Variants in COX16 observed in about 807,000 individuals in gnomAD.
COX16 encodes cytochrome c oxidase assembly protein COX16 homolog, mitochondrial.
In COX16, 12 loss-of-function variants were observed where a neutral mutation model predicts 15.4. That is an observed-to-expected ratio of 0.78 (90% CI 0.50 to 1.26). The LOEUF (loss-of-function observed/expected upper bound fraction) is 1.26, where lower values mean the gene tolerates loss of function less well. Ranked by LOEUF, COX16 falls within the 50% of genes most tolerant of loss-of-function variation. The pLI is 0.00. For synonymous variants in COX16, 46 were observed against 41.1 expected, an observed-to-expected ratio of 1.12 and a Z score of -0.46; for missense variants, 124 against 127.6, an observed-to-expected ratio of 0.97 and a Z score of 0.14.
In COX16 at chr14:70,354,147, T is replaced by TA. The variant is rs569291705; in HGVS notation, c.69+5371dup. Reference sequence around the variant, plus strand: ...GGCAACACAGCAAGACCTCCTCTCTTAAAAAAACAACAATAATAATAATAA... The same window carrying TA: ...GGCAACACAGCAAGACCTCCTCTCTTAAAAAAAACAACAATAATAATAATAA... On this transcript the variant is annotated intron_variant, in intron 1 of 3. Coordinates refer to ENST00000389912, the MANE Select transcript of COX16 (RefSeq NM_016468.7). Among the ~76,000 whole-genome samples, 31 of 151,744 alleles carry TA rather than the reference T, an allele frequency of 2.0e-4. No homozygotes were observed. In the East Asian group the frequency reaches 6.0e-3, roughly 29 times the overall value.
rs535701611 is a variant in COX16, at chr14:70,344,482, T to C, written c.70-1753A>G. Among the ~76,000 whole-genome samples the C allele has an allele frequency of 1.6e-4, 24 of 152,378 alleles. No individual in the cohort carries two copies. The East Asian group carries it at 4.4e-3, about 28-fold the overall frequency. ...TTCATTGTCATAATTTCCTCAGTTA[T>C]AATTTTGCAAAGGCGGTTTCAGTAT... On this transcript the variant is annotated intron_variant, in intron 1 of 3. Coordinates refer to ENST00000389912, the MANE Select transcript of COX16 (RefSeq NM_016468.7).
rs1001671400 is a variant in COX16 at position 70,326,244 on chromosome 14, C to T, written c.*89G>A. On this transcript the variant is annotated 3_prime_UTR_variant, in exon 4 of 4. Coordinates refer to ENST00000389912, the MANE Select transcript of COX16 (RefSeq NM_016468.7). ...CAAGTTTCCATGGGCCTGGAATTTC[C>T]TTTCCACTTGATAGAAGTATATATT... 13 of 1,101,798 alleles carry T rather than the reference C, an allele frequency of 1.2e-5. No homozygotes were observed. In the African/African-American group the frequency reaches 2.1e-4, roughly 18 times the overall value. The allele number at this position is 1,101,798 out of a possible 1,614,324, so 68.3% of individuals were successfully genotyped here.
intron 2 of COX16, among the ~76,000 whole-genome samples, chr14:70,339,255 G>GA (rs987225247): frequency 2.0e-5 from 3 of 151,946 alleles, no homozygotes; most frequent in East Asian, 1.9e-4. Flanking sequence ...GCACTCATGA[G>GA]AAAAAAACAG....
Position 70,359,573 on chromosome 14 carries a change from C to A in COX16, c.15G>T (p.Ala5=). ...TGTTCTTGCGAAAAGCACGCATCACCGCGGGTGCAAACATGAGTGAACTCT... is the reference window on the plus strand; with the variant it reads ...TGTTCTTGCGAAAAGCACGCATCACAGCGGGTGCAAACATGAGTGAACTCT... The part of the protein sequence containing the change: MFAP[A]VMRAFRKNKT... The change falls in exon 1 of 4, where the codon GCG becomes GCT. Residue 5 remains alanine (A), a synonymous_variant. Coordinates refer to ENST00000389912, the MANE Select transcript of COX16 (RefSeq NM_016468.7). The A allele has an allele frequency of 6.2e-7, 1 of 1,614,052 alleles. No homozygotes were observed. The highest frequency in any genetic ancestry group is 8.5e-7 in the Non-Finnish European group (1 of 1,179,978).
At position 70,354,209 on chromosome 14, in the gene COX16, A is replaced by C. The variant is rs200446804; in HGVS notation, c.69+5310T>G. Among the ~76,000 whole-genome samples, 177 of 152,362 alleles carry C rather than the reference A, an allele frequency of 1.2e-3. 1 individual carries two copies. The highest frequency in any genetic ancestry group is 3.5e-3 in the East Asian group (18 of 5,194). On this transcript the variant is annotated intron_variant, in intron 1 of 3. Transcript: ENST00000389912. ...ATGCTGACAAATAAATGAAATAAAA[A>C]CAACATAAAATCAAAAGAGAACAAA...
intron 1 of COX16, among the ~76,000 whole-genome samples, chr14:70,355,884 T>C (rs1043816217): frequency 4.6e-5 from 7 of 151,890 alleles, no homozygotes; most frequent in Admixed American, 4.6e-4. Flanking sequence ...AATGAGTGAG[T>C]TCTCACTCTA....
chr14:70,326,461 C>CA lies in COX16; in HGVS notation c.205-13dup, dbSNP rs1886080246. The stretch of plus-strand genomic sequence containing the variant: ...GAGTCTTTGATTTTCTATAGAACCA[C>CA]AAAAAATTAAAGTATAAATATTAGT... On this transcript the variant is annotated splice_polypyrimidine_tract_variant and intron_variant, in intron 3 of 3. Coordinates refer to ENST00000389912, the MANE Select transcript of COX16 (RefSeq NM_016468.7). 4.5e-6 allele frequency: 7 copies of CA among 1,561,228 alleles called. No individual in the cohort carries two copies. The highest frequency in any genetic ancestry group is 2.0e-5 in the Admixed American group (1 of 49,000).
chr14:70,332,536 G>A lies in COX16; in HGVS notation c.142-3300C>T, dbSNP rs547349603. The stretch of plus-strand genomic sequence containing the variant: ...TCTAGCCTCTCCTGCCACAGTTGGG[G>A]AACTATCCTGTCTGTCTAGGGACCT... On this transcript the variant is annotated intron_variant, in intron 2 of 3. Coordinates refer to ENST00000389912, the MANE Select transcript of COX16 (RefSeq NM_016468.7). Among the ~76,000 whole-genome samples, 6 of 152,236 alleles carry A rather than the reference G, an allele frequency of 3.9e-5. No individual in the cohort carries two copies. In the South Asian group the frequency reaches 1.2e-3, roughly 32 times the overall value.
At position 70,345,090 on chromosome 14, in the gene COX16, C is replaced by T. The variant is rs188073467; in HGVS notation, c.70-2361G>A. 4.2e-3 allele frequency among the ~76,000 whole-genome samples: 638 copies of T among 152,320 alleles called. 5 individuals are homozygous for T. Among genetic ancestry groups the T allele is most frequent in the African/African-American group, 0.015 (608 of 41,568 alleles). On this transcript the variant is annotated intron_variant, in intron 1 of 3. Transcript: ENST00000389912. Reference sequence around the variant, plus strand: ...CTGGTCCACGTCCCCTGTGAACCTACCCCTCCACCCCAGACAGCAGGCCAC... The same window carrying T: ...CTGGTCCACGTCCCCTGTGAACCTATCCCTCCACCCCAGACAGCAGGCCAC...
chr14:70,335,458 T>G (rs932092763), intron 2 of COX16, among the ~76,000 whole-genome samples: 1 of 152,058 alleles, frequency 6.6e-6, no homozygotes, highest in African/African-American at 2.4e-5. Context: ...CCACAAAGTC[T>G]CAACAAATTC....
intron 2 of COX16, among the ~76,000 whole-genome samples, chr14:70,333,035 G>A (rs1481350310): frequency 6.6e-6 from 1 of 152,226 alleles, no homozygotes; most frequent in Non-Finnish European, 1.5e-5. Flanking sequence ...GGCAGCTCAG[G>A]TGGACACAGG....
rs1159537574 is a variant in COX16 at position 70,359,500 on chromosome 14, T to G, written c.69+19A>C. 1 of 1,608,826 alleles carries G rather than the reference T, an allele frequency of 6.2e-7. No individual in the cohort carries two copies. The highest frequency in any genetic ancestry group is 2.2e-5 in the East Asian group (1 of 44,864). ...GGAGGGTCCCACCCCTTGCGGAAGA[T>G]CCTCCTCACTCCACTCACCAACATG... On this transcript the variant is annotated intron_variant, in intron 1 of 3. Transcript: ENST00000389912.
At chr14:70,338,182 C>T (rs909875328) in intron 2 of COX16, among the ~76,000 whole-genome samples, 1 of 152,194 alleles carries the variant, frequency 6.6e-6, no homozygotes, top group South Asian at 2.1e-4. Flanking sequence ...GGCACGATCA[C>T]AGCTCACTGC....
chr14:70,347,175 G>A (rs1413304919), intron 1 of COX16, among the ~76,000 whole-genome samples: 1 of 151,804 alleles, frequency 6.6e-6, no homozygotes, highest in African/African-American at 2.4e-5. Context: ...ATCATTTCTC[G>A]CCGCCTCACC....
chr14:70,328,284 C>T (rs963291057), intron 3 of COX16: 1 of 151,598 alleles, frequency 6.6e-6, no homozygotes, highest in Admixed American at 6.6e-5. Flanking sequence ...AGATACTTCC[C>T]TACAAAGCAC....
At chr14:70,342,997 A>G (rs1886667976) in intron 1 of COX16, among the ~76,000 whole-genome samples, 1 of 152,226 alleles carries the variant, frequency 6.6e-6, no homozygotes, top group South Asian at 2.1e-4. Flanking sequence ...CATAACAAGC[A>G]TTGTATTATC....
chr14:70,337,615 A>G (rs1886495062), intron 2 of COX16, among the ~76,000 whole-genome samples: 1 of 152,146 alleles, frequency 6.6e-6, no homozygotes, highest in Non-Finnish European at 1.5e-5. Flanking sequence ...AAAAAACAAG[A>G]GAAAAATAAA....
intron 1 of COX16, among the ~76,000 whole-genome samples, chr14:70,357,158 CAAAAAAAAAAAAAAAAAA>C (rs4048531): frequency 1.0e-4 from 8 of 78,696 alleles, no homozygotes; most frequent in South Asian, 4.3e-4. Flanking sequence ...AAGCGTTTGT[CAAAAAAAAAAAAAAAAAA>C]AAAAAAAAAA....
intron 2 of COX16, among the ~76,000 whole-genome samples, chr14:70,334,771 C>T (rs191472621): frequency 1.6e-3 from 247 of 152,080 alleles, no homozygotes; most frequent in African/African-American, 5.4e-3. Flanking sequence ...CAGTTAATCA[C>T]ATAAAAAGGA....
Sources: gnomAD v4.1 joint callset for allele counts (sites outside exome capture counted in the v4.1 genomes callset) on GRCh38, gnomAD v4.1.1 for gene constraint, MANE v1.5 for transcripts, NCBI Gene and HGNC (gene_info 2026-07-23, HGNC 2026-07-21) for gene names.